Variants in CA10 observed in about 807,000 individuals in gnomAD.
The protein encoded by CA10 is carbonic anhydrase 10 (inactive), also known as carbonic anhydrase-related protein 10.
Under a neutral mutation model 44.2 loss-of-function variants are expected in CA10, and 14 were observed. That is an observed-to-expected ratio of 0.32 (90% CI 0.21 to 0.50). The LOEUF (loss-of-function observed/expected upper bound fraction) is 0.50, where lower values mean the gene tolerates loss of function less well. Ranked by LOEUF, CA10 falls within the 20% of genes least tolerant of loss-of-function variation. The pLI is 0.99. For missense variants in CA10, 350 were observed against 409.7 expected (o/e 0.85, Z 1.26); for synonymous variants, 159 against 141.6 (o/e 1.12, Z -0.87).
At chr17:51,949,896 G>T (rs1983419109) in intron 2 of CA10, among the ~76,000 whole-genome samples, 1 of 152,124 alleles carries the variant, frequency 6.6e-6, no homozygotes, top group Admixed American at 6.6e-5. Context: ...GGCAGTAGTT[G>T]CAAAAATTTT....
intron 2 of CA10, among the ~76,000 whole-genome samples, chr17:52,062,858 G>T (rs544805780): frequency 6.6e-6 from 1 of 152,358 alleles, no homozygotes; most frequent in East Asian, 1.9e-4. Flanking sequence ...GTGCCCAGGG[G>T]AGCTGTGGGA....
intron 2 of CA10, among the ~76,000 whole-genome samples, chr17:52,006,741 G>A (rs951932959): frequency 6.6e-6 from 1 of 151,804 alleles, no homozygotes; most frequent in Non-Finnish European, 1.5e-5. Flanking sequence ...GAAAAATCTA[G>A]CTCATTCAAG....
At position 51,875,328 on chromosome 17, in the gene CA10, C is replaced by A. The variant is rs7212384; in HGVS notation, c.279+55662G>T. On this transcript the variant is annotated intron_variant, in intron 3 of 8. Coordinates refer to ENST00000451037, the MANE Select transcript of CA10 (RefSeq NM_020178.5). The stretch of plus-strand genomic sequence containing the variant: ...GCCCAGCCTAGAAAGGCAGTTTTGA[C>A]CTGGATCTAGATCTGTGTTCCTAGA... Among the ~76,000 whole-genome samples the A allele has an allele frequency of 5.2e-4, 79 of 152,234 alleles. 1 individual carries two copies. In the South Asian group the frequency reaches 0.016, roughly 30 times the overall value.
intron 4 of CA10, among the ~76,000 whole-genome samples, chr17:51,740,772 G>A (rs964450416): frequency 9.9e-5 from 15 of 152,038 alleles, no homozygotes; most frequent in Non-Finnish European, 4.4e-5. Context: ...TGGTACTGGC[G>A]ATTGCCTCTG....
chr17:51,717,847 A>G (rs1280231802), intron 4 of CA10, among the ~76,000 whole-genome samples: 4 of 83,066 alleles, frequency 4.8e-5, no homozygotes, highest in African/African-American at 1.5e-4. Context: ...ATATATATAT[A>G]TATATATATA....
chr17:52,101,967 AAG>A (rs912616700), intron 1 of CA10, among the ~76,000 whole-genome samples: 35 of 151,712 alleles, frequency 2.3e-4, no homozygotes, highest in African/African-American at 8.2e-4. Flanking sequence ...TTCCATACTG[AAG>A]AGTGATTGAG....
chr17:51,802,565 GAAAAAAAAAAA>G lies in CA10; in HGVS notation c.280-54758_280-54748del, dbSNP rs754344655. On this transcript the variant is annotated intron_variant, in intron 3 of 8. Transcript: ENST00000451037. ...CTTGGATCATTTGTGCCTGATGTCT[GAAAAAAAAAAA>G]AAAAAAAAAAAACAACCAGAAGCAC... 9.9e-5 allele frequency among the ~76,000 whole-genome samples: 9 copies of G among 90,628 alleles called. No individual in the cohort carries two copies. The East Asian group carries it at 2.3e-3, about 23-fold the overall frequency. The allele number at this position is 90,628 out of a possible 152,430, so 59.5% of individuals were successfully genotyped here. A position where few individuals can be genotyped will look rare whatever the true frequency, so the allele number is the denominator to read the frequency against.
chr17:52,011,188 T>C (rs1792473929), intron 2 of CA10, among the ~76,000 whole-genome samples: 1 of 151,942 alleles, frequency 6.6e-6, no homozygotes, highest in South Asian at 2.1e-4. Context: ...ATTTGGAGCC[T>C]ATCATTTATG....
intron 1 of CA10, among the ~76,000 whole-genome samples, chr17:52,080,498 A>C (rs1009186793): frequency 2.0e-5 from 3 of 150,614 alleles, no homozygotes; most frequent in Non-Finnish European, 4.4e-5. Context: ...ATAAATAAAT[A>C]AATATTAAAA....
At position 51,755,641 on chromosome 17, in the gene CA10, G is replaced by A. The variant is rs555591811; in HGVS notation, c.280-7823C>T. Among the ~76,000 whole-genome samples, 4 of 152,338 alleles carry A rather than the reference G, an allele frequency of 2.6e-5. No homozygotes were observed. In the South Asian group the frequency reaches 6.2e-4, roughly 24 times the overall value. On this transcript the variant is annotated intron_variant, in intron 3 of 8. Coordinates refer to ENST00000451037, the MANE Select transcript of CA10 (RefSeq NM_020178.5). ...AGAAGGAAGAGATGGCCTATCTGAC[G>A]TGTACAGGAGCTACTTGCATTCTTA...
At chr17:51,793,651 A>G (rs536455189) in intron 3 of CA10, among the ~76,000 whole-genome samples, 1 of 152,364 alleles carries the variant, frequency 6.6e-6, no homozygotes, top group African/African-American at 2.4e-5. Context: ...TGTCTCCTGC[A>G]CAATGGACAG....
At chr17:51,969,965 G>A (rs939639962) in intron 2 of CA10, among the ~76,000 whole-genome samples, 3 of 151,998 alleles carry the variant, frequency 2.0e-5, no homozygotes, top group Admixed American at 2.0e-4. Flanking sequence ...GCAGTGAAAT[G>A]ACCAAGGCGT....
intron 2 of CA10, among the ~76,000 whole-genome samples, chr17:52,014,390 G>A (rs1238119747): frequency 6.6e-6 from 1 of 151,904 alleles, no homozygotes; most frequent in Admixed American, 6.6e-5. Context: ...CTTAAGAATA[G>A]GCTATTTAAC....
chr17:51,895,372 A>G (rs905126491), intron 3 of CA10, among the ~76,000 whole-genome samples: 1 of 152,126 alleles, frequency 6.6e-6, no homozygotes, highest in Non-Finnish European at 1.5e-5. Context: ...TCCTATCATT[A>G]AAGTATGGGG....
rs190282759 is a variant in CA10, at chr17:51,792,374, G to A, written c.280-44556C>T. ...TGATAAACTCACTTGCAAATAGGAG[G>A]TATGTGATCATAGCTAAGCATAATC... On this transcript the variant is annotated intron_variant, in intron 3 of 8. Transcript: ENST00000451037. Among the ~76,000 whole-genome samples, 3 of 152,216 alleles carry A rather than the reference G, an allele frequency of 2.0e-5. No individual in the cohort carries two copies. In the East Asian group the frequency reaches 5.8e-4, roughly 29 times the overall value.
At chr17:51,969,267 G>A (rs1984192133) in intron 2 of CA10, among the ~76,000 whole-genome samples, 1 of 151,924 alleles carries the variant, frequency 6.6e-6, no homozygotes, top group Non-Finnish European at 1.5e-5. Context: ...CAGACACTTT[G>A]CTAGATGCTT....
intron 4 of CA10, among the ~76,000 whole-genome samples, chr17:51,716,067 G>C (rs1220560143): frequency 6.6e-6 from 1 of 151,866 alleles, no homozygotes; most frequent in Non-Finnish European, 1.5e-5. Flanking sequence ...ACCCTTCCCA[G>C]ACTCTGGTAA....
At chr17:51,947,751 C>A (rs75141887) in intron 2 of CA10, among the ~76,000 whole-genome samples, 1 of 152,152 alleles carries the variant, frequency 6.6e-6, no homozygotes, top group East Asian at 1.9e-4. Context: ...CCTTGACAAT[C>A]CTGAGATGAT....
intron 3 of CA10, among the ~76,000 whole-genome samples, chr17:51,870,203 A>G (rs1372192179): frequency 6.6e-6 from 1 of 152,246 alleles, no homozygotes; most frequent in Non-Finnish European, 1.5e-5. Context: ...ATGACTGATT[A>G]TACTTATACA....
Sources: gnomAD v4.1 joint callset for allele counts (sites outside exome capture counted in the v4.1 genomes callset) on GRCh38, gnomAD v4.1.1 for gene constraint, MANE v1.5 for transcripts, NCBI Gene and HGNC (gene_info 2026-07-23, HGNC 2026-07-21) for gene names.